The following KCNH7 variants were observed in gnomAD, a reference collection of about 807,000 sequenced individuals.
KCNH7 encodes the protein voltage-gated inwardly rectifying potassium channel KCNH7.
KCNH7 carries 49 observed loss-of-function variants against 120.8 expected under a neutral mutation model. The ratio of observed to expected loss-of-function variants is 0.41; its 90% CI spans 0.32 to 0.51. The LOEUF (loss-of-function observed/expected upper bound fraction) is 0.51, where lower values mean the gene tolerates loss of function less well. Ranked by LOEUF, KCNH7 falls within the 20% of genes least tolerant of loss-of-function variation. KCNH7 has a pLI of 0.38. For synonymous variants in KCNH7, 547 were observed against 516.1 expected (o/e 1.06, Z -0.81); for missense variants, 1,097 against 1,446.6 (o/e 0.76, Z 3.92).
In KCNH7 at chr2:162,504,645, T is replaced by C. The variant is rs376815198; in HGVS notation, c.926A>G (p.His309Arg). 8 of 1,608,906 alleles carry C rather than the reference T, an allele frequency of 5.0e-6. No homozygotes were observed. The highest frequency in any genetic ancestry group is 2.2e-5 in the East Asian group (1 of 44,758). ...NGRNVKGPFN[H>R]IKSSLLGSTS... The stretch of plus-strand genomic sequence containing the variant: ...GGATCCCAGGAGGCTTGACTTGATA[T>C]GATTAAAAGGCCCTAAAAAAATGGA... Residue 309 changes from histidine to arginine, a missense_variant, in exon 6 of 16, where the codon CAT becomes CGT. Physicochemically the swap from His to Arg is conservative, Grantham distance 29. Transcript: ENST00000332142.
chr2:162,397,960 G>A lies in KCNH7; in HGVS notation c.2408-1015C>T, dbSNP rs1310144698. ...AGATGCATCCAGAGTCAAAGTTCTT[G>A]CACACCTGATACTGTGTATCTAAGT... is the stretch of plus-strand genomic sequence containing the variant. On this transcript the variant is annotated intron_variant, in intron 10 of 15. Coordinates refer to ENST00000332142, the MANE Select transcript of KCNH7 (RefSeq NM_033272.4). 2.6e-5 allele frequency among the ~76,000 whole-genome samples: 4 copies of A among 151,764 alleles called. No individual in the cohort carries two copies. In the East Asian group the frequency reaches 7.8e-4, roughly 30 times the overall value.
intron 2 of KCNH7, among the ~76,000 whole-genome samples, chr2:162,768,628 A>G (rs1682919213): frequency 6.6e-6 from 1 of 152,116 alleles, no homozygotes; most frequent in Non-Finnish European, 1.5e-5. Context: ...TTTTTAAAGG[A>G]GGATGAAGGA....
At chr2:162,595,669 A>T (rs1428782283) in intron 2 of KCNH7, among the ~76,000 whole-genome samples, 1 of 151,978 alleles carries the variant, frequency 6.6e-6, no homozygotes, top group African/African-American at 2.4e-5. Context: ...CAAGGCAAGG[A>T]TATTCACTCA....
chr2:162,642,555 T>C (rs1282815668), intron 2 of KCNH7, among the ~76,000 whole-genome samples: 1 of 152,206 alleles, frequency 6.6e-6, no homozygotes, highest in African/African-American at 2.4e-5. Context: ...TAGCATACAT[T>C]GTGGGCTCTT....
chr2:162,373,174 C>T (rs752911427), intron 15 of KCNH7, among the ~76,000 whole-genome samples: 4 of 152,056 alleles, frequency 2.6e-5, no homozygotes, highest in Non-Finnish European at 5.9e-5. Flanking sequence ...AGCTCTACCA[C>T]ATGTAAATTT....
intron 6 of KCNH7, among the ~76,000 whole-genome samples, chr2:162,450,674 G>T (rs77174052): frequency 0.019 from 2,821 of 152,036 alleles, 85 homozygotes; most frequent in African/African-American, 0.064. Flanking sequence ...AGGACTCGTG[G>T]CCTTCTGAGA....
intron 2 of KCNH7, among the ~76,000 whole-genome samples, chr2:162,577,975 T>A (rs1429163882): frequency 6.6e-6 from 1 of 152,056 alleles, no homozygotes; most frequent in Non-Finnish European, 1.5e-5. Flanking sequence ...TTAAGTTACC[T>A]GCCCAAGGTC....
At chr2:162,660,143 G>A (rs183858657) in intron 2 of KCNH7, among the ~76,000 whole-genome samples, 1 of 151,744 alleles carries the variant, frequency 6.6e-6, no homozygotes, top group Admixed American at 6.6e-5. Flanking sequence ...CTCTAATTTC[G>A]TTATATCTTT....
chr2:162,790,287 A>G (rs377161835), intron 2 of KCNH7, among the ~76,000 whole-genome samples: 1 of 151,988 alleles, frequency 6.6e-6, no homozygotes, highest in African/African-American at 2.4e-5. Flanking sequence ...TCATAAAGAA[A>G]AAGAAAATTA....
At chr2:162,425,767 A>G (rs1466710640) in intron 8 of KCNH7, among the ~76,000 whole-genome samples, 1 of 152,164 alleles carries the variant, frequency 6.6e-6, no homozygotes, top group Non-Finnish European at 1.5e-5. Context: ...TATTAAATAG[A>G]TTTTAGCAAA....
intron 9 of KCNH7, among the ~76,000 whole-genome samples, chr2:162,414,286 T>C (rs1399744994): frequency 6.6e-6 from 1 of 151,892 alleles, no homozygotes; most frequent in East Asian, 1.9e-4. Context: ...AATATAAAAG[T>C]ATAAGTAAGG....
At chr2:162,764,982 C>A (rs943207276) in intron 2 of KCNH7, among the ~76,000 whole-genome samples, 4 of 151,936 alleles carry the variant, frequency 2.6e-5, no homozygotes, top group African/African-American at 7.2e-5. Context: ...AGCTATAAAA[C>A]CAAATTTAAA....
chr2:162,527,546 T>C (rs1691752534), intron 3 of KCNH7, among the ~76,000 whole-genome samples: 2 of 152,022 alleles, frequency 1.3e-5, no homozygotes, highest in African/African-American at 4.8e-5. Flanking sequence ...GTGTATTTTA[T>C]GTGTCAATTA....
intron 2 of KCNH7, among the ~76,000 whole-genome samples, chr2:162,675,850 A>G (rs1685514886): frequency 6.6e-6 from 1 of 151,580 alleles, no homozygotes; most frequent in Non-Finnish European, 1.5e-5. Context: ...TGAAATTCAA[A>G]AAATAAGCAA....
intron 2 of KCNH7, among the ~76,000 whole-genome samples, chr2:162,806,017 G>T (rs1044150530): frequency 1.3e-5 from 2 of 152,132 alleles, no homozygotes; most frequent in African/African-American, 4.8e-5. Flanking sequence ...TCACTTATAA[G>T]TGGGAGTTAA....
intron 2 of KCNH7, among the ~76,000 whole-genome samples, chr2:162,832,675 A>G (rs1392621937): frequency 6.6e-6 from 1 of 152,122 alleles, no homozygotes. Flanking sequence ...CTTCCTTTGT[A>G]TCTCTTCCTA....
chr2:162,432,438 G>A (rs1688100295), intron 8 of KCNH7, among the ~76,000 whole-genome samples: 1 of 151,944 alleles, frequency 6.6e-6, no homozygotes, highest in Non-Finnish European at 1.5e-5. Flanking sequence ...ATATAAAGTA[G>A]ACAATAAACT....
intron 2 of KCNH7, among the ~76,000 whole-genome samples, chr2:162,785,363 T>C (rs903140339): frequency 1.3e-5 from 2 of 152,212 alleles, no homozygotes; most frequent in Non-Finnish European, 2.9e-5. Flanking sequence ...GTCTTAAATA[T>C]AACAGTTTAA....
intron 3 of KCNH7, among the ~76,000 whole-genome samples, chr2:162,531,448 G>A (rs1000534582): frequency 3.3e-5 from 5 of 151,918 alleles, no homozygotes; most frequent in African/African-American, 1.2e-4. Context: ...AGACAGTGAA[G>A]AAACTAAACT....
Sources: gnomAD v4.1 joint callset for allele counts (sites outside exome capture counted in the v4.1 genomes callset) on GRCh38, gnomAD v4.1.1 for gene constraint, MANE v1.5 for transcripts, NCBI Gene and HGNC (gene_info 2026-07-23, HGNC 2026-07-21) for gene names.